Variants in MAGI2 observed in about 807,000 individuals in gnomAD.
MAGI2 encodes membrane-associated guanylate kinase, WW and PDZ domain-containing protein 2.
MAGI2 carries 35 observed loss-of-function variants against 133.3 expected under a neutral mutation model. The observed-to-expected ratio is 0.26, with a 90% CI of 0.20 to 0.35. The LOEUF is 0.35. Ranked by LOEUF, MAGI2 falls within the 10% of genes least tolerant of loss-of-function variation. MAGI2 has a pLI of 1.00. For synonymous variants in MAGI2, 729 were observed against 710.6 expected, an observed-to-expected ratio of 1.03 and a Z score of -0.41; for missense variants, 1,636 against 1,863.4, an observed-to-expected ratio of 0.88 and a Z score of 2.25.
At position 78,878,582 on chromosome 7, in the gene MAGI2, C is replaced by T. The variant is rs149867780; in HGVS notation, c.418+128508G>A. ...GCCTGAAAATCACATGCCAATATTT[C>T]GTGCCTTGTCATCCATATGTCTTTT... On this transcript the variant is annotated intron_variant, in intron 2 of 21. Transcript: ENST00000354212. 7.6e-3 allele frequency among the ~76,000 whole-genome samples: 1,164 copies of T among 152,278 alleles called. 48 individuals are homozygous for T. The highest frequency in any genetic ancestry group is 0.068 in the Admixed American group (1,044 of 15,306).
intron 16 of MAGI2, among the ~76,000 whole-genome samples, chr7:78,156,836 A>G (rs1039028356): frequency 4.6e-5 from 7 of 152,110 alleles, no homozygotes; most frequent in African/African-American, 1.7e-4. Context: ...CCCAAAAAAA[A>G]ACCCCAAAAA....
chr7:79,058,075 G>T (rs1182205616), intron 1 of MAGI2, among the ~76,000 whole-genome samples: 1 of 151,682 alleles, frequency 6.6e-6, no homozygotes, highest in Non-Finnish European at 1.5e-5. Flanking sequence ...AAAAACAAAT[G>T]ATAGAAACAG....
intron 4 of MAGI2, among the ~76,000 whole-genome samples, chr7:78,517,515 C>A (rs1029807600): frequency 6.6e-6 from 1 of 152,092 alleles, no homozygotes; most frequent in Non-Finnish European, 1.5e-5. Flanking sequence ...ATTTCAGTAT[C>A]TCATTCATAA....
intron 2 of MAGI2, among the ~76,000 whole-genome samples, chr7:78,633,887 G>A (rs928554079): frequency 2.0e-5 from 3 of 151,992 alleles, no homozygotes; most frequent in African/African-American, 7.2e-5. Flanking sequence ...GTAAATAATA[G>A]ACATAAAAGG....
chr7:78,267,156 T>C (rs1010426626), intron 9 of MAGI2, among the ~76,000 whole-genome samples: 1 of 152,172 alleles, frequency 6.6e-6, no homozygotes, highest in African/African-American at 2.4e-5. Context: ...CATATTCTAT[T>C]ATGTTGATCT....
At chr7:78,322,758 A>G (rs1788140888) in intron 9 of MAGI2, among the ~76,000 whole-genome samples, 1 of 146,978 alleles carries the variant, frequency 6.8e-6, no homozygotes, top group South Asian at 2.1e-4. Context: ...TTAATGTATA[A>G]AAAAAAATTA....
intron 1 of MAGI2, among the ~76,000 whole-genome samples, chr7:79,237,709 A>G (rs556494950): frequency 1.6e-4 from 24 of 152,292 alleles, no homozygotes; most frequent in South Asian, 4.1e-4. Context: ...GCATTTTATC[A>G]TAGCCCTAAA....
intron 1 of MAGI2, among the ~76,000 whole-genome samples, chr7:79,384,877 CAGATGGAA>C (rs1397004026): frequency 6.6e-6 from 1 of 151,666 alleles, no homozygotes; most frequent in Non-Finnish European, 1.5e-5. Flanking sequence ...TATTTTTATA[CAGATGGAA>C]ATCTCATTTT....
intron 1 of MAGI2, among the ~76,000 whole-genome samples, chr7:79,304,143 T>C (rs749520735): frequency 6.7e-6 from 1 of 149,658 alleles, no homozygotes; most frequent in Non-Finnish European, 1.5e-5. Flanking sequence ...AATAATTAAC[T>C]GGCAGGTGAG....
At chr7:78,656,909 G>C (rs1270464666) in intron 2 of MAGI2, among the ~76,000 whole-genome samples, 2 of 150,630 alleles carry the variant, frequency 1.3e-5, no homozygotes, top group Admixed American at 1.3e-4. Context: ...TTGGCAAAAA[G>C]TGTATATGAT....
intron 20 of MAGI2, among the ~76,000 whole-genome samples, chr7:78,099,827 G>T: frequency 6.6e-6 from 1 of 152,116 alleles, no homozygotes; most frequent in East Asian, 1.9e-4. Flanking sequence ...GGAGACAAAT[G>T]GAAAATTTAC....
chr7:79,051,836 T>C (rs1470013923), intron 1 of MAGI2, among the ~76,000 whole-genome samples: 4 of 152,162 alleles, frequency 2.6e-5, no homozygotes. Context: ...GTTTTAAACA[T>C]ATTATTTAAA....
At chr7:78,745,629 TGAGTC>T (rs1822857247) in intron 2 of MAGI2, among the ~76,000 whole-genome samples, 2 of 152,208 alleles carry the variant, frequency 1.3e-5, no homozygotes, top group Non-Finnish European at 2.9e-5. Flanking sequence ...GAAGAATTAA[TGAGTC>T]AAGTCTCAGA....
chr7:78,054,589 CTTTT>C (rs3972364), intron 21 of MAGI2, among the ~76,000 whole-genome samples: 1 of 141,830 alleles, frequency 7.1e-6, no homozygotes, highest in Admixed American at 7.0e-5. Context: ...CATAGGCATA[CTTTT>C]TTTTTTTTTT....
intron 9 of MAGI2, among the ~76,000 whole-genome samples, chr7:78,330,191 T>C (rs190930680): frequency 1.3e-5 from 2 of 152,308 alleles, no homozygotes; most frequent in African/African-American, 2.4e-5. Context: ...TCTGGTGAGA[T>C]GTTTGGTTAA....
At chr7:79,353,502 C>A (rs1841824997) in intron 1 of MAGI2, 1 of 455,760 alleles carries the variant, frequency 2.2e-6, no homozygotes, top group Middle Eastern at 3.8e-4. Flanking sequence ...CCCTTTGCTG[C>A]TGCTGCTTTG....
At chr7:78,930,618 T>C (rs1228888836) in intron 2 of MAGI2, among the ~76,000 whole-genome samples, 1 of 152,110 alleles carries the variant, frequency 6.6e-6, no homozygotes, top group Admixed American at 6.6e-5. Flanking sequence ...TTTAAAGATC[T>C]TATCAGAAAC....
chr7:79,231,831 T>A (rs959860498), intron 1 of MAGI2, among the ~76,000 whole-genome samples: 1 of 151,550 alleles, frequency 6.6e-6, no homozygotes, highest in Admixed American at 6.6e-5. Flanking sequence ...TAACACTATG[T>A]TGAATAGGAG....
At chr7:79,189,075 C>T (rs1456506897) in intron 1 of MAGI2, among the ~76,000 whole-genome samples, 6 of 151,838 alleles carry the variant, frequency 4.0e-5, no homozygotes, top group Non-Finnish European at 8.8e-5. Flanking sequence ...TGTGGTAACA[C>T]TGTACATATA....
Sources: allele counts gnomAD v4.1 joint callset (sites outside exome capture counted in the v4.1 genomes callset), GRCh38; gene constraint gnomAD v4.1.1; transcripts MANE v1.5; gene names NCBI Gene and HGNC (gene_info 2026-07-23, HGNC 2026-07-21).